SLC3A2: variants seen among roughly 807,000 people sequenced by gnomAD.
The protein encoded by SLC3A2 is solute carrier family 3 member 2.
SLC3A2 carries 32 observed loss-of-function variants against 48.5 expected under a neutral mutation model. The ratio of observed to expected loss-of-function variants is 0.66; its 90% CI spans 0.50 to 0.89. SLC3A2 has a LOEUF of 0.89. Among genes scored for constraint, SLC3A2 ranks in the 40% least tolerant of loss-of-function variants. SLC3A2 has a pLI of 0.00. For synonymous variants in SLC3A2, 277 were observed against 288.8 expected, an observed-to-expected ratio of 0.96 and a Z score of 0.41; for missense variants, 587 against 680.7, an observed-to-expected ratio of 0.86 and a Z score of 1.53.
At chr11:62,888,075 A>G in intron 7 of SLC3A2, 60 bp from the exon 8 acceptor site, 1 of 1,465,648 alleles carries the variant, frequency 6.8e-7, no homozygotes, top group Non-Finnish European at 9.5e-7. Context: ...GGAATTACAG[A>G]TGTGAGCCAC....
intron 1 of SLC3A2, among the ~76,000 whole-genome samples, chr11:62,856,561 G>C (rs2085326649): frequency 6.6e-6 from 1 of 152,182 alleles, no homozygotes; most frequent in Non-Finnish European, 1.5e-5. Flanking sequence ...GCCAACATTA[G>C]CTAACATTTA....
At chr11:62,882,335 T>A in intron 2 of SLC3A2, 1 of 414,460 alleles carries the variant, frequency 2.4e-6, no homozygotes, top group Admixed American at 4.0e-5. Context: ...ACCAGTGGTT[T>A]TAAACTTGTA....
chr11:62,859,803 A>T (rs1278138418), intron 1 of SLC3A2, among the ~76,000 whole-genome samples: 1 of 152,144 alleles, frequency 6.6e-6, no homozygotes, highest in Non-Finnish European at 1.5e-5. Flanking sequence ...TTTTAAAAAA[A>T]GTAGGCTGGG....
chr11:62,856,916 C>T (rs914224782), intron 1 of SLC3A2, among the ~76,000 whole-genome samples: 8 of 151,872 alleles, frequency 5.3e-5, no homozygotes, highest in African/African-American at 1.9e-4. Context: ...TTCCACCTCC[C>T]GGGTTCAAGC....
At chr11:62,888,113 T>A in intron 7 of SLC3A2, 22 bp from the exon 8 acceptor site, 1 of 1,605,164 alleles carries the variant, frequency 6.2e-7, no homozygotes, top group Non-Finnish European at 8.5e-7. Context: ...CTTTTTAAAG[T>A]CCTATTTTCT....
At chr11:62,888,017 A>G (rs2085737135) in intron 7 of SLC3A2, 118 bp from the exon 8 acceptor site, 3 of 874,248 alleles carry the variant, frequency 3.4e-6, no homozygotes, top group Non-Finnish European at 5.4e-6. Context: ...GCTGGTTTCA[A>G]ATGCCTGGGC....
At chr11:62,866,937 T>C (rs955599252) in intron 1 of SLC3A2, among the ~76,000 whole-genome samples, 1 of 152,212 alleles carries the variant, frequency 6.6e-6, no homozygotes, top group African/African-American at 2.4e-5. Context: ...ACCGTATCTT[T>C]TGGTTTCTGG....
intron 1 of SLC3A2, among the ~76,000 whole-genome samples, chr11:62,873,206 T>G (rs1179897574): frequency 6.6e-6 from 1 of 151,548 alleles, no homozygotes; most frequent in African/African-American, 2.4e-5. Context: ...AAATTTTTTG[T>G]GGCCGGGCCT....
upstream of SLC3A2, among the ~76,000 whole-genome samples, chr11:62,878,917 C>T (rs529180201): frequency 2.0e-5 from 3 of 151,512 alleles, no homozygotes; most frequent in African/African-American, 4.8e-5. Flanking sequence ...GGACTACAGG[C>T]GTGTGCTACT....
At chr11:62,883,818 A>T in intron 3 of SLC3A2, 1 of 358,334 alleles carries the variant, frequency 2.8e-6, no homozygotes, top group Non-Finnish European at 5.5e-6. Context: ...AGAGAAAGGG[A>T]AGAAAAGGAG....
intron 1 of SLC3A2, among the ~76,000 whole-genome samples, chr11:62,866,622 C>G (rs903151114): frequency 3.3e-5 from 5 of 152,146 alleles, no homozygotes; most frequent in African/African-American, 1.2e-4. Flanking sequence ...TTGCAAGCTC[C>G]TGACCTCAGG....
Position 62,887,998 on chromosome 11 carries a change from G to A in SLC3A2, c.1144-137G>A, listed in dbSNP as rs1028091934. ...TGTAGTAGAGATGAGGGCTCATTAT[G>A]TTGCTGAGGCTGGTTTCAAATGCCT... On this transcript the variant is annotated intron_variant, in intron 7 of 8. Transcript: ENST00000338663. 4.2e-6 allele frequency: 3 copies of A among 708,610 alleles called. No individual in the cohort carries two copies. In the African/African-American group the frequency reaches 5.3e-5, roughly 13 times the overall value. The allele number at this position is 708,610 out of a possible 1,614,324, so 43.9% of individuals were successfully genotyped here. A position where few individuals can be genotyped will look rare whatever the true frequency, so the allele number is the denominator to read the frequency against.
At chr11:62,883,216 C>T (rs201249124) in intron 3 of SLC3A2, 2 of 348,928 alleles carry the variant, frequency 5.7e-6, no homozygotes, top group Admixed American at 4.2e-5. Context: ...ATTTCCTTGA[C>T]TCTGAGGATG....
At chr11:62,883,250 C>T (rs772155042) in intron 3 of SLC3A2, 63 of 455,900 alleles carry the variant, frequency 1.4e-4, no homozygotes, top group Non-Finnish European at 2.2e-4. Context: ...AAGGGACCTT[C>T]TCAGAAGTCA....
At position 62,881,324 on chromosome 11, in the gene SLC3A2, G is replaced by A. The variant is rs754101007; in HGVS notation, c.301G>A (p.Val101Ile). 3.2e-6 allele frequency: 5 copies of A among 1,582,996 alleles called. No individual in the cohort carries two copies. The highest frequency in any genetic ancestry group is 2.3e-5 in the South Asian group (2 of 87,434). The change falls in exon 1 of 9, where the codon GTC (valine) becomes ATC (isoleucine). Residue 101 changes from valine to isoleucine, a missense_variant. Val to Ile is a conservative substitution (Grantham distance 29). Around this residue, in one of 3 missense-constraint regions of SLC3A2, gnomAD observed 409 missense variants for 446.7 expected, o/e 0.92. Coordinates refer to ENST00000338663, the MANE Select transcript of SLC3A2 (RefSeq NM_001013251.3). This position sits in a 1 kb window ranked among gnomAD's most constrained non-coding sequence, Gnocchi z 4.0. ...GCTCGGCATGCTTGCTGGTGCCGTG[G>A]TCATAATCGTGCGAGCGCCGCGTTG... is the stretch of plus-strand genomic sequence containing the variant. Reference protein sequence around the residue: ...GWLGMLAGAVVIIVRAPRCRE... With the variant: ...GWLGMLAGAVIIIVRAPRCRE...
intron 7 of SLC3A2, among the ~76,000 whole-genome samples, chr11:62,885,933 G>A (rs1016365019): frequency 1.3e-5 from 2 of 152,192 alleles, no homozygotes; most frequent in Non-Finnish European, 2.9e-5. Flanking sequence ...TGGGTACTGT[G>A]CTAGGCTCTG....
At position 62,882,910 on chromosome 11, in the gene SLC3A2, A is replaced by T; in HGVS notation, c.601A>T (p.Ile201Phe). The change falls in exon 3 of 9, where the codon ATC (isoleucine) becomes TTC (phenylalanine). Residue 201 changes from isoleucine to phenylalanine, a missense_variant and splice_region_variant. Ile to Phe is a conservative substitution (Grantham distance 21). Transcript: ENST00000338663. ...TGCGTCTTCCTCCGTTGTTTTAGGC[A>T]TCCGTGTCATTCTGGACCTTACTCC... ...SLLQSAKKKS[I>F]RVILDLTPNY... is the part of the protein sequence containing the mutation. The T allele has an allele frequency of 6.2e-7, 1 of 1,613,960 alleles. No individual in the cohort carries two copies. Among genetic ancestry groups the T allele is most frequent in the East Asian group, 2.2e-5 (1 of 44,886 alleles).
chr11:62,858,804 G>A (rs987993457), intron 1 of SLC3A2, among the ~76,000 whole-genome samples: 6 of 152,124 alleles, frequency 3.9e-5, no homozygotes, highest in African/African-American at 1.4e-4. Context: ...CATAGACAAG[G>A]TAAAGGATTA....
In SLC3A2 at chr11:62,880,976, C is replaced by T. The variant is rs1351296770; in HGVS notation, c.-48C>T. 2.0e-6 allele frequency: 3 copies of T among 1,527,944 alleles called. No homozygotes were observed. Among genetic ancestry groups the T allele is most frequent in the Admixed American group, 4.2e-5 (2 of 47,874 alleles). The allele number at this position is 1,527,944 out of a possible 1,614,324, so 94.6% of individuals were successfully genotyped here. ...TCCGAGGGTCCAGGTAGGGGTTGAGCCACCATCTGACCGCAAGCTGCGTCG... is the reference window on the plus strand; with the variant it reads ...TCCGAGGGTCCAGGTAGGGGTTGAGTCACCATCTGACCGCAAGCTGCGTCG... On this transcript the variant is annotated 5_prime_UTR_variant, in exon 1 of 9. Transcript: ENST00000338663.
Sources: gnomAD v4.1 joint callset for allele counts (sites outside exome capture counted in the v4.1 genomes callset) on GRCh38, gnomAD v4.1.1 for gene constraint, gnomAD v4.1.1 regional missense constraint, Gnocchi (gnomAD v3.1) non-coding constraint, MANE v1.5 for transcripts, NCBI Gene and HGNC (gene_info 2026-07-23, HGNC 2026-07-21) for gene names.